CFAP221: variants seen among roughly 807,000 people sequenced by gnomAD.
CFAP221 encodes the protein cilia and flagella associated protein 221, also known as cilia- and flagella-associated protein 221.
CFAP221 carries 97 observed loss-of-function variants against 113.1 expected under a neutral mutation model. The ratio of observed to expected loss-of-function variants is 0.86; its 90% confidence interval spans 0.73 to 1.02. The LOEUF (loss-of-function observed/expected upper bound fraction) is 1.02, where lower values mean the gene tolerates loss of function less well. CFAP221 is among the 50% of genes least tolerant of loss of function. The pLI, the probability that CFAP221 is intolerant of heterozygous loss-of-function variation, is 0.00. For missense variants in CFAP221, 1,025 were observed against 1,013.4 expected (o/e 1.01, Z -0.16); for synonymous variants, 331 against 354.4 (o/e 0.93, Z 0.74).
In CFAP221 at chr2:119,588,637, C is replaced by T. The variant is rs182683117; in HGVS notation, c.631+1415C>T. Among the ~76,000 whole-genome samples, 73 of 152,236 alleles carry T rather than the reference C, an allele frequency of 4.8e-4. No homozygotes were observed. In the South Asian group the frequency reaches 0.012, roughly 24 times the overall value. ...CGTGCTCAGATTATAAAATGCAGGG[C>T]CACATAATTCAGACAAATGCATGAT... On this transcript the variant is annotated intron_variant, in intron 7 of 23. Transcript: ENST00000413369.
intron 17 of CFAP221, 55 bp from the exon 18 acceptor site, chr2:119,630,515 A>C: frequency 7.4e-7 from 1 of 1,351,596 alleles, no homozygotes. Flanking sequence ...TGAGAAGTAG[A>C]TCCCACCAAA....
chr2:119,644,689 C>T (rs1687690385), intron 21 of CFAP221, among the ~76,000 whole-genome samples: 1 of 152,056 alleles, frequency 6.6e-6, no homozygotes, highest in Non-Finnish European at 1.5e-5. Flanking sequence ...ACACAATGTA[C>T]ACACAAAGAT....
chr2:119,582,581 G>A (rs983953262), intron 6 of CFAP221, among the ~76,000 whole-genome samples: 1 of 151,176 alleles, frequency 6.6e-6, no homozygotes, highest in African/African-American at 2.4e-5. Flanking sequence ...TCAGCCTCCC[G>A]AGCAGCTGGG....
chr2:119,575,711 A>G (rs912764038), intron 6 of CFAP221, among the ~76,000 whole-genome samples: 2 of 152,194 alleles, frequency 1.3e-5, no homozygotes, highest in African/African-American at 4.8e-5. Flanking sequence ...ATGCCACTGA[A>G]TGGTACACTT....
chr2:119,625,741 C>A, intron 15 of CFAP221, 53 bp downstream of exon 15: 1 of 1,448,812 alleles, frequency 6.9e-7, no homozygotes, highest in Non-Finnish European at 9.6e-7. Flanking sequence ...TGCCTCTGAG[C>A]GTGAACTTTC....
intron 7 of CFAP221, among the ~76,000 whole-genome samples, chr2:119,588,631 G>T (rs886832316): frequency 6.6e-6 from 1 of 152,168 alleles, no homozygotes; most frequent in East Asian, 1.9e-4. Context: ...ATTATAAAAT[G>T]CAGGGCCACA....
chr2:119,576,813 A>C (rs190774091), intron 6 of CFAP221, among the ~76,000 whole-genome samples: 1 of 152,356 alleles, frequency 6.6e-6, no homozygotes, highest in Non-Finnish European at 1.5e-5. Flanking sequence ...ATAGCTCTTC[A>C]AATTGTTGCC....
chr2:119,624,572 T>A (rs1226380791), intron 14 of CFAP221, among the ~76,000 whole-genome samples: 1 of 152,178 alleles, frequency 6.6e-6, no homozygotes, highest in African/African-American at 2.4e-5. Context: ...CATGCACATG[T>A]ATGTTTATTG....
chr2:119,613,828 C>G (rs1685340935), intron 13 of CFAP221, among the ~76,000 whole-genome samples: 1 of 152,266 alleles, frequency 6.6e-6, no homozygotes, highest in African/African-American at 2.4e-5. Context: ...AATTTCTTCT[C>G]AGAAAATGGA....
chr2:119,567,187 G>A (rs896710212), intron 6 of CFAP221, among the ~76,000 whole-genome samples: 7 of 152,108 alleles, frequency 4.6e-5, no homozygotes, highest in East Asian at 3.9e-4. Flanking sequence ...ATAGCCTGTG[G>A]GTCTGGACAA....
intron 8 of CFAP221, among the ~76,000 whole-genome samples, chr2:119,603,232 C>T (rs2104669008): frequency 6.6e-6 from 1 of 152,154 alleles, no homozygotes; most frequent in South Asian, 2.1e-4. Flanking sequence ...TTTCTTAGAC[C>T]TCTTCATTTC....
intron 13 of CFAP221, among the ~76,000 whole-genome samples, chr2:119,614,778 G>A (rs2104710280): frequency 6.6e-6 from 1 of 152,330 alleles, no homozygotes; most frequent in African/African-American, 2.4e-5. Flanking sequence ...TTTCAACGAT[G>A]ATAAAATTCT....
chr2:119,589,863 G>C (rs1350419585), intron 7 of CFAP221: 1 of 152,154 alleles, frequency 6.6e-6, no homozygotes, highest in Non-Finnish European at 1.5e-5. Context: ...CTGCTGACAA[G>C]AAATCATATG....
At chr2:119,595,538 G>A (rs1683902509) in intron 7 of CFAP221, among the ~76,000 whole-genome samples, 1 of 152,018 alleles carries the variant, frequency 6.6e-6, no homozygotes, top group African/African-American at 2.4e-5. Flanking sequence ...TTTCTGCCGG[G>A]CTCACCTCCT....
chr2:119,549,241 C>G, intron 3 of CFAP221, 56 bp downstream of exon 3: 5 of 1,324,198 alleles, frequency 3.8e-6, no homozygotes, highest in Non-Finnish European at 5.2e-6. Context: ...CAAAAATGTT[C>G]TGAATTTATA....
intron 7 of CFAP221, among the ~76,000 whole-genome samples, chr2:119,593,228 T>G (rs1167140564): frequency 6.6e-6 from 1 of 152,220 alleles, no homozygotes; most frequent in East Asian, 1.9e-4. Context: ...TGTGTGTGCA[T>G]GTATGTGGTA....
Position 119,611,643 on chromosome 2 carries a change from A to G in CFAP221, c.1222-10A>G. ...TTCAACTTAAATTATTTTGATGATT[A>G]AAAACCCAGCTAGACAGAGGAGATC... On this transcript the variant is annotated splice_polypyrimidine_tract_variant and intron_variant, in intron 12 of 23. Coordinates refer to ENST00000413369, the MANE Select transcript of CFAP221 (RefSeq NM_001271049.2). 1 of 1,595,740 alleles carries G rather than the reference A, an allele frequency of 6.3e-7. No individual in the cohort carries two copies. Among genetic ancestry groups the G allele is most frequent in the Non-Finnish European group, 8.5e-7 (1 of 1,174,084 alleles).
At chr2:119,615,790 C>G in intron 14 of CFAP221, 81 bp downstream of exon 14, 1 of 1,016,862 alleles carries the variant, frequency 9.8e-7, no homozygotes, top group Non-Finnish European at 1.5e-6. Context: ...TTTGATAACA[C>G]CTTTATTGAG....
intron 6 of CFAP221, among the ~76,000 whole-genome samples, chr2:119,569,517 C>A (rs915954986): frequency 2.0e-5 from 3 of 151,620 alleles, no homozygotes; most frequent in African/African-American, 7.3e-5. Context: ...TTGCATTTAT[C>A]CTCAGTGGTT....
Sources: gnomAD v4.1 joint callset for allele counts (sites outside exome capture counted in the v4.1 genomes callset) on GRCh38, gnomAD v4.1.1 for gene constraint, MANE v1.5 for transcripts, NCBI Gene and HGNC (gene_info 2026-07-23, HGNC 2026-07-21) for gene names.